AGAP1: variants seen among roughly 807,000 people sequenced by gnomAD.
AGAP1 encodes the protein arf-GAP with GTPase, ANK repeat and PH domain-containing protein 1.
Under a neutral mutation model 105.3 loss-of-function variants are expected in AGAP1, and 29 were observed. That is an observed-to-expected ratio of 0.28 (90% confidence interval 0.21 to 0.38). The LOEUF (loss-of-function observed/expected upper bound fraction) is 0.38. AGAP1 is among the 10% of genes least tolerant of loss of function. The pLI is 1.00. For synonymous variants in AGAP1, 509 were observed against 485.9 expected, an observed-to-expected ratio of 1.05 and a Z score of -0.63; for missense variants, 998 against 1,165.1, an observed-to-expected ratio of 0.86 and a Z score of 2.09.
chr2:236,128,642 G>A lies in AGAP1; in HGVS notation c.*4520G>A, dbSNP rs138657674. The A allele has an allele frequency of 6.6e-6, 1 of 152,294 alleles. No homozygotes were observed. The highest frequency in any genetic ancestry group is 1.9e-4 in the East Asian group (1 of 5,142). 9.4% of individuals were successfully genotyped at this position (152,294 alleles called of 1,614,324 possible). A position where few individuals can be genotyped will look rare whatever the true frequency, so the allele number is the denominator to read the frequency against. On this transcript the variant is annotated 3_prime_UTR_variant, in exon 18 of 18. Coordinates refer to ENST00000304032, the MANE Select transcript of AGAP1 (RefSeq NM_001037131.3). The surrounding 1 kb of genome is among the most constrained non-coding windows in gnomAD (Gnocchi z 5.9). The stretch of plus-strand genomic sequence containing the variant: ...TGCCGTAGGCGCTCTAGGTCCCCGT[G>A]GCGCCCAGGACACCAACTCTCCCTC...
chr2:236,105,271 C>T lies in AGAP1; in HGVS notation c.2115-14921C>T, dbSNP rs1014886318. Among the ~76,000 whole-genome samples the T allele has an allele frequency of 1.6e-4, 25 of 152,152 alleles. No homozygotes were observed. Among genetic ancestry groups the T allele is most frequent in the Non-Finnish European group, 3.1e-4 (21 of 68,032 alleles). On this transcript the variant is annotated intron_variant, in intron 16 of 17. Transcript: ENST00000304032. The surrounding 1 kb of genome is among the most constrained non-coding windows in gnomAD (Gnocchi z 4.2). ...TTTAAGAACCCTGCATGCACACAGT[C>T]TTGCGTCAACTTCAGTTTTAACACG...
At chr2:235,547,373 T>C (rs1038950120) in intron 1 of AGAP1, among the ~76,000 whole-genome samples, 5 of 150,102 alleles carry the variant, frequency 3.3e-5, no homozygotes, top group Admixed American at 1.3e-4. Flanking sequence ...TTTTTTTTTT[T>C]TCTGAGATGG....
Position 235,642,223 on chromosome 2 carries a change from A to G in AGAP1, c.164-66956A>G, listed in dbSNP as rs936681022. Reference sequence around the variant, plus strand: ...AGTCTTGCTAGCTCGTGGCATGTGCAATGGGATCTCTTTCCTGAGTGCGCA... The same window carrying G: ...AGTCTTGCTAGCTCGTGGCATGTGCGATGGGATCTCTTTCCTGAGTGCGCA... On this transcript the variant is annotated intron_variant, in intron 1 of 17. Coordinates refer to ENST00000304032, the MANE Select transcript of AGAP1 (RefSeq NM_001037131.3). The surrounding 1 kb of genome is among the most constrained non-coding windows in gnomAD (Gnocchi z 4.1). Among the ~76,000 whole-genome samples, 7 of 152,118 alleles carry G rather than the reference A, an allele frequency of 4.6e-5. No individual in the cohort carries two copies. The highest frequency in any genetic ancestry group is 7.4e-5 in the Non-Finnish European group (5 of 68,016).
At chr2:235,516,735 C>T (rs552625617) in intron 1 of AGAP1, among the ~76,000 whole-genome samples, 1 of 152,278 alleles carries the variant, frequency 6.6e-6, no homozygotes, top group East Asian at 1.9e-4. Context: ...GCATGCGGGT[C>T]CACTCAGCTC....
In AGAP1 at chr2:235,900,965, C is replaced by T. The variant is rs1372304069; in HGVS notation, c.1156-7773C>T. On this transcript the variant is annotated intron_variant, in intron 10 of 17. Coordinates refer to ENST00000304032, the MANE Select transcript of AGAP1 (RefSeq NM_001037131.3). The surrounding 1 kb of genome is among the most constrained non-coding windows in gnomAD (Gnocchi z 5.5). ...TTTTCCCTTTGAAGCTGCCTCCTAC[C>T]TTGCTATTGTGACTATGATCCTTTG... Among the ~76,000 whole-genome samples the T allele has an allele frequency of 6.6e-6, 1 of 152,198 alleles. No individual in the cohort carries two copies. Among genetic ancestry groups the T allele is most frequent in the Non-Finnish European group, 1.5e-5 (1 of 68,040 alleles).
intron 1 of AGAP1, among the ~76,000 whole-genome samples, chr2:235,675,710 A>AC (rs934106739): frequency 7.2e-4 from 109 of 152,312 alleles, no homozygotes; most frequent in African/African-American, 2.5e-3. Context: ...GAGCAGTTGT[A>AC]CTTGGGGTAC....
chr2:235,561,199 G>A (rs758250125), intron 1 of AGAP1, among the ~76,000 whole-genome samples: 1 of 152,176 alleles, frequency 6.6e-6, no homozygotes, highest in Non-Finnish European at 1.5e-5. Flanking sequence ...GGGATGAGGA[G>A]GCTTCAGTGA....
intron 1 of AGAP1, among the ~76,000 whole-genome samples, chr2:235,570,879 A>G (rs1047928731): frequency 6.6e-6 from 1 of 152,236 alleles, no homozygotes; most frequent in Non-Finnish European, 1.5e-5. Context: ...TCTGCATTCA[A>G]CTGTTCTCAC....
intron 9 of AGAP1, among the ~76,000 whole-genome samples, chr2:235,809,003 A>G (rs932467533): frequency 6.6e-6 from 1 of 152,162 alleles, no homozygotes; most frequent in African/African-American, 2.4e-5. Flanking sequence ...TCAGTTATAA[A>G]AATAATTCTT....
chr2:235,948,806 C>T (rs1225515213), intron 12 of AGAP1, among the ~76,000 whole-genome samples: 1 of 152,102 alleles, frequency 6.6e-6, no homozygotes, highest in African/African-American at 2.4e-5. Flanking sequence ...TCCCACTTGC[C>T]ACACAGTCAA....
intron 1 of AGAP1, among the ~76,000 whole-genome samples, chr2:235,702,934 G>GTTTTTTCTTTTTTTTTTTTTTTTT (rs1950326496): frequency 1.1e-5 from 1 of 88,946 alleles, no homozygotes; most frequent in Non-Finnish European, 2.2e-5. Flanking sequence ...AGTTTTCTTG[G>GTTTTTTCTTTTTTTTTTTTTTTTT]TTTTTTTTTT....
At chr2:235,933,308 C>G (rs1375054302) in intron 12 of AGAP1, among the ~76,000 whole-genome samples, 2 of 152,046 alleles carry the variant, frequency 1.3e-5, no homozygotes, top group Non-Finnish European at 2.9e-5. Context: ...GATGGAATAG[C>G]CACGAGCCGC....
intron 1 of AGAP1, among the ~76,000 whole-genome samples, chr2:235,684,538 G>C (rs1949276825): frequency 6.6e-6 from 1 of 152,182 alleles, no homozygotes; most frequent in Non-Finnish European, 1.5e-5. Flanking sequence ...GCTGCTTCTG[G>C]ACTGTAACTT....
chr2:235,802,861 ATGG>A (rs1402987052), intron 8 of AGAP1, among the ~76,000 whole-genome samples: 6 of 110,404 alleles, frequency 5.4e-5, no homozygotes, highest in Non-Finnish European at 7.2e-5. Context: ...GATGGTTGTG[ATGG>A]TGATGATGCT....
At position 235,608,633 on chromosome 2, in the gene AGAP1, C is replaced by T. The variant is rs1946026809; in HGVS notation, c.164-100546C>T. Among the ~76,000 whole-genome samples the T allele has an allele frequency of 6.6e-6, 1 of 152,162 alleles. No individual in the cohort carries two copies. Among genetic ancestry groups the T allele is most frequent in the Admixed American group, 6.5e-5 (1 of 15,280 alleles). ...TGGGGGACGCATCCAGGGTCCCAGGCCCAGAAAACAGTGGAGCCAAGAGAG... is the reference window on the plus strand; with the variant it reads ...TGGGGGACGCATCCAGGGTCCCAGGTCCAGAAAACAGTGGAGCCAAGAGAG... On this transcript the variant is annotated intron_variant, in intron 1 of 17. Transcript: ENST00000304032. The surrounding 1 kb of genome is among the most constrained non-coding windows in gnomAD (Gnocchi z 5.4).
At chr2:236,065,074 T>G (rs1165300089) in intron 16 of AGAP1, among the ~76,000 whole-genome samples, 6 of 152,170 alleles carry the variant, frequency 3.9e-5, no homozygotes, top group Non-Finnish European at 8.8e-5. Context: ...CTGATACTGC[T>G]GGAGAGGTGA....
At chr2:235,709,304 A>G (rs946891809) in intron 2 of AGAP1, 67 bp downstream of exon 2, 36 of 1,546,112 alleles carry the variant, frequency 2.3e-5, no homozygotes, top group Non-Finnish European at 3.2e-5. Context: ...CCAAGCCTGC[A>G]TTCCCAGGCA....
intron 1 of AGAP1, among the ~76,000 whole-genome samples, chr2:235,560,339 G>C (rs4663610): frequency 0.86 from 131,160 of 151,972 alleles, 57,037 homozygotes; most frequent in East Asian, 0.99. Flanking sequence ...TTCCCTTCCC[G>C]TCTCCATCCC....
intron 1 of AGAP1, among the ~76,000 whole-genome samples, chr2:235,571,698 T>C (rs991060310): frequency 2.0e-5 from 3 of 152,094 alleles, no homozygotes; most frequent in Non-Finnish European, 4.4e-5. Context: ...TATGGCTTGC[T>C]GAAAGGGAAG....
Sources: gnomAD v4.1 joint callset for allele counts (sites outside exome capture counted in the v4.1 genomes callset) on GRCh38, gnomAD v4.1.1 for gene constraint, Gnocchi (gnomAD v3.1) non-coding constraint, MANE v1.5 for transcripts, NCBI Gene and HGNC (gene_info 2026-07-23, HGNC 2026-07-21) for gene names.